Variants in DIPK1A observed in about 807,000 individuals in gnomAD.
The protein encoded by DIPK1A is divergent protein kinase domain 1A, also known as family with sequence similarity 69 member A.
In DIPK1A, 27 loss-of-function variants were observed where a neutral mutation model predicts 40.8. The observed-to-expected ratio is 0.66, with a 90% CI of 0.49 to 0.91. The LOEUF is 0.91. DIPK1A is among the 40% of genes least tolerant of loss of function. The pLI is 0.00. For synonymous variants in DIPK1A, 166 were observed against 171.3 expected (o/e 0.97, Z 0.24); for missense variants, 412 against 505.7 (o/e 0.81, Z 1.78).
intron 4 of DIPK1A, chr1:92,833,821 C>G (rs1031812350): frequency 4.7e-6 from 3 of 632,158 alleles, no homozygotes; most frequent in Non-Finnish European, 8.3e-6. Flanking sequence ...AACCTGGGAA[C>G]TTGGTACTTT....
At chr1:92,901,189 G>A (rs77294900) in intron 1 of DIPK1A, among the ~76,000 whole-genome samples, 3,619 of 151,948 alleles carry the variant, frequency 0.024, 109 homozygotes, top group African/African-American at 0.068. Flanking sequence ...GGGCCTTTGG[G>A]GTCCTTCTAT....
chr1:92,941,677 G>A (rs1472894103), intron 1 of DIPK1A, among the ~76,000 whole-genome samples: 3 of 152,228 alleles, frequency 2.0e-5, no homozygotes, highest in African/African-American at 2.4e-5. Flanking sequence ...AAAGGATAAC[G>A]ACGCAAGTGA....
intron 1 of DIPK1A, among the ~76,000 whole-genome samples, chr1:92,898,153 G>C (rs748562251): frequency 9.9e-5 from 15 of 151,052 alleles, no homozygotes; most frequent in Non-Finnish European, 1.8e-4. Flanking sequence ...TTGGCTCATG[G>C]TTCTGCAGGC....
chr1:92,836,867 A>G, intron 4 of DIPK1A: 1 of 206,296 alleles, frequency 4.8e-6, no homozygotes, highest in Non-Finnish European at 1.0e-5. Flanking sequence ...AAGTAGGTTA[A>G]TTTGTAGTTC....
rs1230740143 is a variant in DIPK1A, at chr1:92,925,934, T to C, written c.54+35442A>G. On this transcript the variant is annotated intron_variant, in intron 1 of 4. Coordinates refer to ENST00000370310, the MANE Select transcript of DIPK1A (RefSeq NM_001006605.5). The stretch of plus-strand genomic sequence containing the variant: ...CGATTATCTTTTTGAAGTTTACAGA[T>C]ACATAATCATGCTCCTCCTTCATTA... 5.3e-5 allele frequency among the ~76,000 whole-genome samples: 8 copies of C among 152,342 alleles called. 1 individual carries two copies. The highest frequency in any genetic ancestry group is 3.9e-4 in the East Asian group (2 of 5,190).
chr1:92,837,990 A>C (rs1687193456), downstream of DIPK1A, among the ~76,000 whole-genome samples: 1 of 152,346 alleles, frequency 6.6e-6, no homozygotes, highest in Admixed American at 6.5e-5. Flanking sequence ...GGACTTTCCC[A>C]TTATCTCAGA....
chr1:92,907,640 A>G (rs1447399828), intron 1 of DIPK1A, among the ~76,000 whole-genome samples: 1 of 151,788 alleles, frequency 6.6e-6, no homozygotes, highest in Non-Finnish European at 1.5e-5. Flanking sequence ...GGGTCTTGCT[A>G]TGCTGCCCAG....
At chr1:92,914,904 G>C (rs1265273480) in intron 1 of DIPK1A, among the ~76,000 whole-genome samples, 1 of 151,764 alleles carries the variant, frequency 6.6e-6, no homozygotes, top group Non-Finnish European at 1.5e-5. Context: ...TGGCCAACCT[G>C]GTGAAACCCC....
At chr1:92,961,218 G>C (rs1430765627) in intron 1 of DIPK1A, among the ~76,000 whole-genome samples, 158 bp downstream of exon 1, 2 of 151,154 alleles carry the variant, frequency 1.3e-5, no homozygotes. Context: ...AGGGGGCTGG[G>C]GAGGGCGCGC....
At chr1:92,905,911 T>C (rs763568137) in intron 1 of DIPK1A, among the ~76,000 whole-genome samples, 12 of 152,178 alleles carry the variant, frequency 7.9e-5, no homozygotes, top group Non-Finnish European at 1.6e-4. Context: ...CTTGGCACCT[T>C]TGTCAAAAAC....
intron 1 of DIPK1A, among the ~76,000 whole-genome samples, chr1:92,885,118 T>C (rs1179034782): frequency 6.6e-6 from 1 of 152,106 alleles, no homozygotes; most frequent in Non-Finnish European, 1.5e-5. Context: ...TATGTCCAAA[T>C]ACTGAAGAGA....
chr1:92,848,856 T>C (rs1164960394), intron 3 of DIPK1A, among the ~76,000 whole-genome samples: 1 of 152,176 alleles, frequency 6.6e-6, no homozygotes, highest in Admixed American at 6.5e-5. Context: ...TAGTTTAAAT[T>C]TCTATAATAA....
chr1:92,940,296 C>G (rs1477023539), intron 1 of DIPK1A, among the ~76,000 whole-genome samples: 3 of 152,186 alleles, frequency 2.0e-5, no homozygotes, highest in Non-Finnish European at 4.4e-5. Flanking sequence ...TTCTCTCTTG[C>G]CTGTTTAGAA....
chr1:92,925,969 G>A (rs1422033668), intron 1 of DIPK1A, among the ~76,000 whole-genome samples: 2 of 151,968 alleles, frequency 1.3e-5, no homozygotes, highest in African/African-American at 4.8e-5. Flanking sequence ...ATCAGTATTG[G>A]TATATAATAA....
At chr1:92,848,292 C>T (rs1206636097) in intron 3 of DIPK1A, among the ~76,000 whole-genome samples, 1 of 152,160 alleles carries the variant, frequency 6.6e-6, no homozygotes, top group East Asian at 1.9e-4. Context: ...TAATAAATTC[C>T]CCTTTCAATT....
At chr1:92,887,437 CAAAGA>C (rs1378162939) in intron 1 of DIPK1A, among the ~76,000 whole-genome samples, 1 of 151,588 alleles carries the variant, frequency 6.6e-6, no homozygotes, top group African/African-American at 2.4e-5. Context: ...AAAACAAAAG[CAAAGA>C]AAAGGAAAGA....
At chr1:92,950,121 C>A (rs922711999) in intron 1 of DIPK1A, among the ~76,000 whole-genome samples, 9 of 152,082 alleles carry the variant, frequency 5.9e-5, no homozygotes, top group Non-Finnish European at 1.3e-4. Context: ...TAAGGAGGGA[C>A]TGCTGAAAGG....
downstream of DIPK1A, chr1:92,840,303 C>T (rs1687302201): frequency 2.2e-6 from 1 of 444,972 alleles, no homozygotes; most frequent in Non-Finnish European, 4.1e-6. Context: ...TGAACCACCA[C>T]ACCTGGCCTG....
intron 1 of DIPK1A, among the ~76,000 whole-genome samples, chr1:92,882,279 T>A (rs907421588): frequency 6.6e-6 from 1 of 152,202 alleles, no homozygotes; most frequent in Non-Finnish European, 1.5e-5. Flanking sequence ...TCCCAGCTAC[T>A]TGAGAGGCTG....
Sources: allele counts gnomAD v4.1 joint callset (sites outside exome capture counted in the v4.1 genomes callset), GRCh38; gene constraint gnomAD v4.1.1; transcripts MANE v1.5; gene names NCBI Gene and HGNC (gene_info 2026-07-23, HGNC 2026-07-21).